Variants in NTNG1 observed in about 807,000 individuals in gnomAD.
NTNG1 encodes the protein netrin-G1.
Under a neutral mutation model 54.0 loss-of-function variants are expected in NTNG1, and 16 were observed. That is an observed-to-expected ratio of 0.30 (90% CI 0.20 to 0.45). The LOEUF (loss-of-function observed/expected upper bound fraction) is 0.45, where lower values mean the gene tolerates loss of function less well. Ranked by LOEUF, NTNG1 falls within the 20% of genes least tolerant of loss-of-function variation. The pLI is 1.00. For missense variants in NTNG1, 530 were observed against 678.7 expected, an observed-to-expected ratio of 0.78 and a Z score of 2.43; for synonymous variants, 255 against 263.1, an observed-to-expected ratio of 0.97 and a Z score of 0.30.
At chr1:107,161,090 C>G (rs921902019) in intron 2 of NTNG1, among the ~76,000 whole-genome samples, 1 of 152,110 alleles carries the variant, frequency 6.6e-6, no homozygotes, top group African/African-American at 2.4e-5. Flanking sequence ...TTTTCCCCTC[C>G]AGAATACAAG....
chr1:107,314,412 T>C lies in NTNG1; in HGVS notation c.247-9870T>C, dbSNP rs1234275994. 2.0e-5 allele frequency among the ~76,000 whole-genome samples: 3 copies of C among 149,280 alleles called. No individual in the cohort carries two copies. In the East Asian group the frequency reaches 5.9e-4, roughly 29 times the overall value. ...GAATCCGTCTCAATAAATAAATAAA[T>C]AAATAAATAAATAAATAAATAAATA... On this transcript the variant is annotated intron_variant, in intron 2 of 7. Coordinates refer to ENST00000370068, the MANE Select transcript of NTNG1 (RefSeq NM_001113226.3).
At chr1:107,182,591 C>T (rs1657154297) in intron 2 of NTNG1, among the ~76,000 whole-genome samples, 1 of 152,058 alleles carries the variant, frequency 6.6e-6, no homozygotes. Flanking sequence ...TCCCCATGGT[C>T]CTAGTAAACT....
rs536072344 is a variant in NTNG1 at position 107,297,323 on chromosome 1, A to G, written c.247-26959A>G. 1.2e-3 allele frequency among the ~76,000 whole-genome samples: 188 copies of G among 150,792 alleles called. 1 individual carries two copies. The highest frequency in any genetic ancestry group is 4.5e-3 in the African/African-American group (183 of 41,078). On this transcript the variant is annotated intron_variant, in intron 2 of 7. Transcript: ENST00000370068. ...ATTGAAGAACCTGATGTATTCTAGC[A>G]ACAAATAAATTGAAAAGATAAAGAA...
At chr1:107,474,207 G>A (rs1335131778) in intron 7 of NTNG1, among the ~76,000 whole-genome samples, 1 of 152,066 alleles carries the variant, frequency 6.6e-6, no homozygotes, top group Admixed American at 6.6e-5. Context: ...TACTGACATA[G>A]GACACTCTAA....
chr1:107,224,510 T>C (rs1021646245), intron 2 of NTNG1, among the ~76,000 whole-genome samples: 3 of 152,098 alleles, frequency 2.0e-5, no homozygotes, highest in Non-Finnish European at 4.4e-5. Context: ...TGTTTCACCC[T>C]CTCTAAACCT....
intron 3 of NTNG1, among the ~76,000 whole-genome samples, chr1:107,376,532 T>A (rs1671272248): frequency 6.6e-6 from 1 of 152,002 alleles, no homozygotes; most frequent in Non-Finnish European, 1.5e-5. Context: ...AGGCAAAGGA[T>A]CCCAATCAGG....
chr1:107,269,142 T>C (rs1345669096), intron 2 of NTNG1, among the ~76,000 whole-genome samples: 1 of 152,174 alleles, frequency 6.6e-6, no homozygotes, highest in Non-Finnish European at 1.5e-5. Context: ...CCTCCCTGAC[T>C]TCATGTCCTA....
At chr1:107,280,695 G>A (rs1664792111) in intron 2 of NTNG1, among the ~76,000 whole-genome samples, 1 of 151,166 alleles carries the variant, frequency 6.6e-6, no homozygotes, top group African/African-American at 2.4e-5. Flanking sequence ...TTACTGGGCA[G>A]GTATTCCCAC....
chr1:107,414,377 A>G (rs1570910746), intron 5 of NTNG1, among the ~76,000 whole-genome samples: 1 of 152,296 alleles, frequency 6.6e-6, no homozygotes, highest in East Asian at 1.9e-4. Flanking sequence ...GAAACTACCT[A>G]TTTGATTCAT....
chr1:107,435,528 A>G (rs1367175361), intron 6 of NTNG1, among the ~76,000 whole-genome samples: 1 of 152,172 alleles, frequency 6.6e-6, no homozygotes, highest in Admixed American at 6.6e-5. Context: ...TTATTTGAAG[A>G]ATAATTAGTG....
At chr1:107,348,317 C>T (rs571630932) in intron 3 of NTNG1, among the ~76,000 whole-genome samples, 1 of 151,892 alleles carries the variant, frequency 6.6e-6, no homozygotes, top group East Asian at 1.9e-4. Context: ...GAAGAGACGG[C>T]GTTTTGCCAT....
At chr1:107,444,707 G>A (rs1023895996) in intron 7 of NTNG1, among the ~76,000 whole-genome samples, 8 of 152,056 alleles carry the variant, frequency 5.3e-5, no homozygotes, top group Non-Finnish European at 1.0e-4. Context: ...ATTTCACACC[G>A]CAGAACCACT....
Position 107,418,684 on chromosome 1 carries a change from CAT to C in NTNG1, c.1087+10977_1087+10978del, listed in dbSNP as rs530657920. ...AAATTCCTACGGACATAAAATCCCACATGTTTGGGGGAAAATCCTATATGCCA... is the reference window on the plus strand; with the variant it reads ...AAATTCCTACGGACATAAAATCCCACGTTTGGGGGAAAATCCTATATGCCA... On this transcript the variant is annotated intron_variant, in intron 5 of 7. Transcript: ENST00000370068. The C allele has an allele frequency of 7.3e-5, 102 of 1,393,388 alleles. 1 individual carries two copies. In the Middle Eastern group the frequency reaches 1.1e-3, roughly 15 times the overall value. 86.3% of individuals were successfully genotyped at this position (1,393,388 alleles called of 1,614,324 possible).
rs117599681 is a variant in NTNG1, at chr1:107,224,969, G to A, written c.246+76130G>A. On this transcript the variant is annotated intron_variant, in intron 2 of 7. Coordinates refer to ENST00000370068, the MANE Select transcript of NTNG1 (RefSeq NM_001113226.3). ...CACTTCCTTTATAAGGTTATAGTGA[G>A]TAGTGAATAAGATAATGCATGTTTA... 2.0e-4 allele frequency among the ~76,000 whole-genome samples: 30 copies of A among 152,196 alleles called. No individual in the cohort carries two copies. The East Asian group carries it at 5.6e-3, about 28-fold the overall frequency.
rs537571764 is a variant in NTNG1 at position 107,201,163 on chromosome 1, TATTCCCTAATTCTCACAGATA to T, written c.246+52327_246+52347del. ...ATCCTCTGAATGTATAGTATTAAAC[TATTCCCTAATTCTCACAGATA>T]ATGATGGAGTAAACTTTACTTCTTG... On this transcript the variant is annotated intron_variant, in intron 2 of 7. Coordinates refer to ENST00000370068, the MANE Select transcript of NTNG1 (RefSeq NM_001113226.3). Among the ~76,000 whole-genome samples, 604 of 152,024 alleles carry T rather than the reference TATTCCCTAATTCTCACAGATA, an allele frequency of 4.0e-3. 8 individuals are homozygous for T. Among genetic ancestry groups the T allele is most frequent in the African/African-American group, 0.014 (585 of 41,536 alleles).
At chr1:107,296,352 GA>G (rs1013313194) in intron 2 of NTNG1, among the ~76,000 whole-genome samples, 89 of 152,152 alleles carry the variant, frequency 5.8e-4, no homozygotes, top group African/African-American at 2.0e-3. Context: ...CAAGTTTTAA[GA>G]ATAGCTGCTT....
chr1:107,193,504 C>T (rs1255624528), intron 2 of NTNG1, among the ~76,000 whole-genome samples: 1 of 151,948 alleles, frequency 6.6e-6, no homozygotes, highest in East Asian at 1.9e-4. Flanking sequence ...TTAGTAATAG[C>T]CAGAGTAGTG....
rs142395711 is a variant in NTNG1, at chr1:107,219,211, A to G, written c.246+70372A>G. 6.0e-5 allele frequency among the ~76,000 whole-genome samples: 9 copies of G among 150,784 alleles called. No individual in the cohort carries two copies. In the East Asian group the frequency reaches 1.4e-3, roughly 23 times the overall value. On this transcript the variant is annotated intron_variant, in intron 2 of 7. Coordinates refer to ENST00000370068, the MANE Select transcript of NTNG1 (RefSeq NM_001113226.3). ...CTACTTGTTCAATTCTATTGCTGAGACTTTTCAGGGCATTTTGCAATTCTC... is the reference window on the plus strand; with the variant it reads ...CTACTTGTTCAATTCTATTGCTGAGGCTTTTCAGGGCATTTTGCAATTCTC...
chr1:107,245,420 G>A (rs1332936702), intron 2 of NTNG1, among the ~76,000 whole-genome samples: 1 of 152,120 alleles, frequency 6.6e-6, no homozygotes, highest in African/African-American at 2.4e-5. Flanking sequence ...GCTGTACAAA[G>A]AAATGAGCCA....
Sources: gnomAD v4.1 joint callset for allele counts (sites outside exome capture counted in the v4.1 genomes callset) on GRCh38, gnomAD v4.1.1 for gene constraint, MANE v1.5 for transcripts, NCBI Gene and HGNC (gene_info 2026-07-23, HGNC 2026-07-21) for gene names.